TCF4: variants seen among roughly 807,000 people sequenced by gnomAD.
TCF4 encodes the protein SL3-3 enhancer factor 2.
In TCF4, 3 loss-of-function variants were observed where a neutral mutation model predicts 82.1. The ratio of observed to expected loss-of-function variants is 0.04; its 90% CI spans 0.02 to 0.09. TCF4 has a LOEUF of 0.09. Among genes scored for constraint, TCF4 ranks in the 10% least tolerant of loss-of-function variants. TCF4 has a pLI of 1.00. For missense variants in TCF4, 518 were observed against 852.7 expected (o/e 0.61, Z 4.89); for synonymous variants, 276 against 309.6 (o/e 0.89, Z 1.14).
intron 3 of TCF4, among the ~76,000 whole-genome samples, chr18:55,478,515 A>G (rs1255971377): frequency 2.6e-5 from 4 of 152,154 alleles, no homozygotes; most frequent in South Asian, 2.1e-4. Context: ...CAGCTACTCA[A>G]AACTGTTGGG....
At chr18:55,462,017 A>C (rs2095875790) in intron 4 of TCF4, among the ~76,000 whole-genome samples, 1 of 152,194 alleles carries the variant, frequency 6.6e-6, no homozygotes, top group Non-Finnish European at 1.5e-5. Flanking sequence ...GGAACTGCCC[A>C]TGAAAGTCTA....
chr18:55,593,703 C>T (rs762202076), intron 2 of TCF4, among the ~76,000 whole-genome samples: 5 of 152,084 alleles, frequency 3.3e-5, no homozygotes, highest in East Asian at 1.9e-4. Flanking sequence ...AAGCAAATAG[C>T]GCCACAAACA....
intron 6 of TCF4, among the ~76,000 whole-genome samples, chr18:55,400,081 T>G: frequency 6.6e-6 from 1 of 152,078 alleles, no homozygotes; most frequent in East Asian, 1.9e-4. Context: ...AAATAGATTT[T>G]AGCAAAATTT....
At chr18:55,232,380 G>T (rs1269781494) in intron 17 of TCF4, 129 bp downstream of exon 17, 1 of 952,456 alleles carries the variant, frequency 1.0e-6, no homozygotes, top group Admixed American at 2.1e-5. Context: ...TCTAGAGTAG[G>T]CCTTTAATTT....
intron 3 of TCF4, among the ~76,000 whole-genome samples, chr18:55,508,257 T>C (rs2096785943): frequency 6.6e-6 from 1 of 152,256 alleles, no homozygotes; most frequent in African/African-American, 2.4e-5. Context: ...TTTGCTGCTT[T>C]AAATTGATCT....
chr18:55,424,047 C>T (rs1036099884), intron 5 of TCF4, among the ~76,000 whole-genome samples: 24 of 152,114 alleles, frequency 1.6e-4, no homozygotes, highest in African/African-American at 5.3e-4. Flanking sequence ...ACCATCATTA[C>T]GCTCATTAAT....
At chr18:55,392,185 G>T (rs113229164) in intron 6 of TCF4, among the ~76,000 whole-genome samples, 2,453 of 150,816 alleles carry the variant, frequency 0.016, 30 homozygotes, top group Non-Finnish European at 0.023. Flanking sequence ...GGCTGGTCTC[G>T]AACTCCTGTC....
rs192719201 is a variant in TCF4 at position 55,594,737 on chromosome 18, T to C, written c.287-7601A>G. Among the ~76,000 whole-genome samples, 32 of 152,300 alleles carry C rather than the reference T, an allele frequency of 2.1e-4. No homozygotes were observed. The East Asian group carries it at 6.2e-3, about 29-fold the overall frequency. On this transcript the variant is annotated intron_variant, in intron 2 of 20. Transcript: ENST00000398339. ...AGTGTCTTCATTATTTTTAATACAA[T>C]ACAAGGTGCTGTCATCGTACTGCTT...
At chr18:55,489,357 G>A (rs2096551349) in intron 3 of TCF4, among the ~76,000 whole-genome samples, 1 of 152,128 alleles carries the variant, frequency 6.6e-6, no homozygotes, top group Admixed American at 6.5e-5. Context: ...GAAGTGAGCT[G>A]TAATCTCTTT....
intron 3 of TCF4, among the ~76,000 whole-genome samples, chr18:55,583,279 A>G (rs2097595028): frequency 6.6e-6 from 1 of 152,190 alleles, no homozygotes; most frequent in Non-Finnish European, 1.5e-5. Context: ...GAAGCAGTGT[A>G]ACATGACTTA....
chr18:55,535,112 T>C (rs1343720169), intron 3 of TCF4, among the ~76,000 whole-genome samples: 1 of 152,228 alleles, frequency 6.6e-6, no homozygotes, highest in Non-Finnish European at 1.5e-5. Flanking sequence ...ACTACAGAAT[T>C]ATAATCTGCA....
chr18:55,481,142 G>T (rs942672758), intron 3 of TCF4, among the ~76,000 whole-genome samples: 1 of 148,054 alleles, frequency 6.8e-6, no homozygotes, highest in Non-Finnish European at 1.5e-5. Flanking sequence ...TGGGATGTAT[G>T]TAATTTGGAA....
chr18:55,443,543 G>T (rs1455776436), intron 5 of TCF4, among the ~76,000 whole-genome samples: 1 of 152,080 alleles, frequency 6.6e-6, no homozygotes, highest in African/African-American at 2.4e-5. Flanking sequence ...TGTTGTTGTT[G>T]TTCTTGTTTT....
chr18:55,296,107 G>GT (rs11353305), intron 8 of TCF4, among the ~76,000 whole-genome samples: 619 of 139,938 alleles, frequency 4.4e-3, no homozygotes, highest in South Asian at 7.1e-3. Context: ...ACATTAAAGT[G>GT]TTTTTTTTTT....
At chr18:55,553,314 A>C (rs1249819382) in intron 3 of TCF4, 1 of 152,178 alleles carries the variant, frequency 6.6e-6, no homozygotes, top group African/African-American at 2.4e-5. Context: ...CTCTCAGAGT[A>C]CTTGACAGAA....
intron 3 of TCF4, among the ~76,000 whole-genome samples, chr18:55,538,102 G>A (rs530124150): frequency 6.6e-6 from 1 of 151,766 alleles, no homozygotes; most frequent in South Asian, 2.1e-4. Flanking sequence ...AAGGGCAAAG[G>A]TGTCAGGAGT....
At chr18:55,403,788 A>T in intron 5 of TCF4, 1 of 1,520,158 alleles carries the variant, frequency 6.6e-7, no homozygotes, top group South Asian at 1.2e-5. Flanking sequence ...TCTAACAAAC[A>T]AATCGTAACT....
chr18:55,235,136 G>T (rs917958286), intron 15 of TCF4, among the ~76,000 whole-genome samples: 4 of 151,656 alleles, frequency 2.6e-5, no homozygotes, highest in African/African-American at 9.7e-5. Context: ...TCTCAGGCCT[G>T]CCATTTTTTT....
chr18:55,461,598 A>G (rs1430830510), intron 4 of TCF4, among the ~76,000 whole-genome samples: 1 of 152,196 alleles, frequency 6.6e-6, no homozygotes, highest in Non-Finnish European at 1.5e-5. Context: ...ATGTTTTATT[A>G]TAGTTACTAT....
Sources: allele counts gnomAD v4.1 joint callset (sites outside exome capture counted in the v4.1 genomes callset), GRCh38; gene constraint gnomAD v4.1.1; transcripts MANE v1.5; gene names NCBI Gene and HGNC (gene_info 2026-07-23, HGNC 2026-07-21).